LRP1B: variants seen among roughly 807,000 people sequenced by gnomAD.
LRP1B encodes LDL receptor related protein 1B.
A neutral mutation model predicts 556.6 loss-of-function variants in LRP1B; 217 were observed. The observed-to-expected ratio is 0.39, with a 90% CI of 0.35 to 0.44. The LOEUF is 0.44. Among genes scored for constraint, LRP1B ranks in the 20% least tolerant of loss-of-function variants. LRP1B has a pLI of 1.00. For synonymous variants in LRP1B, 2,047 were observed against 1,865.8 expected (o/e 1.10, Z -2.50); for missense variants, 5,053 against 5,620.8 (o/e 0.90, Z 3.23).
intron 3 of LRP1B, among the ~76,000 whole-genome samples, chr2:141,470,203 A>G (rs1484808275): frequency 6.6e-6 from 1 of 152,168 alleles, no homozygotes; most frequent in African/African-American, 2.4e-5. Context: ...TGAAAGTTGA[A>G]ATTTCTAAAG....
chr2:140,399,700 A>G (rs1214068541), intron 66 of LRP1B, among the ~76,000 whole-genome samples: 1 of 152,224 alleles, frequency 6.6e-6, no homozygotes, highest in East Asian at 1.9e-4. Context: ...AACAGAGCAG[A>G]TTACATAAGG....
intron 3 of LRP1B, among the ~76,000 whole-genome samples, chr2:141,395,524 T>C (rs755891293): frequency 2.6e-5 from 4 of 152,090 alleles, no homozygotes; most frequent in African/African-American, 7.2e-5. Context: ...AATGATGAAA[T>C]TGATTAACAA....
intron 37 of LRP1B, among the ~76,000 whole-genome samples, chr2:140,715,140 T>C (rs1298924321): frequency 6.6e-6 from 1 of 152,026 alleles, no homozygotes; most frequent in Non-Finnish European, 1.5e-5. Flanking sequence ...TAACAGGAGT[T>C]TCAGACTGAA....
At chr2:141,751,645 G>A (rs769201439) in intron 2 of LRP1B, among the ~76,000 whole-genome samples, 2 of 151,804 alleles carry the variant, frequency 1.3e-5, no homozygotes, top group Non-Finnish European at 2.9e-5. Context: ...TCACTCCAAA[G>A]CATTTTCATG....
intron 2 of LRP1B, among the ~76,000 whole-genome samples, chr2:141,644,785 A>C (rs868653408): frequency 2.0e-5 from 3 of 147,830 alleles, no homozygotes; most frequent in African/African-American, 7.5e-5. Flanking sequence ...ACACACACAC[A>C]ACACACACAC....
At chr2:142,100,631 T>C (rs1346723391) in intron 1 of LRP1B, among the ~76,000 whole-genome samples, 1 of 151,998 alleles carries the variant, frequency 6.6e-6, no homozygotes, top group Admixed American at 6.6e-5. Context: ...GGAGGCCAGA[T>C]TGCATTTTAA....
At chr2:140,888,078 T>A (rs1693693257) in intron 23 of LRP1B, among the ~76,000 whole-genome samples, 1 of 152,142 alleles carries the variant, frequency 6.6e-6, no homozygotes. Context: ...TGTAAGAACT[T>A]GTAAAGGGCA....
intron 32 of LRP1B, among the ~76,000 whole-genome samples, chr2:140,802,272 G>T (rs1462633750): frequency 6.6e-6 from 1 of 152,216 alleles, no homozygotes; most frequent in East Asian, 1.9e-4. Context: ...TGGAGAAGGA[G>T]TCAAGGATGA....
At chr2:142,102,146 C>T (rs571441091) in intron 1 of LRP1B, among the ~76,000 whole-genome samples, 21 of 152,064 alleles carry the variant, frequency 1.4e-4, no homozygotes, top group African/African-American at 4.8e-4. Flanking sequence ...AGTGCTTTAA[C>T]ACTTACTGGC....
intron 35 of LRP1B, among the ~76,000 whole-genome samples, chr2:140,743,786 T>C (rs1013893046): frequency 1.1e-4 from 16 of 151,482 alleles, no homozygotes; most frequent in African/African-American, 3.6e-4. Context: ...GGTGAAACCC[T>C]GTCTCTACTA....
Position 141,646,995 on chromosome 2 carries a change from T to G in LRP1B, c.205+163284A>C, listed in dbSNP as rs138834434. Among the ~76,000 whole-genome samples the G allele has an allele frequency of 2.7e-3, 412 of 152,250 alleles. 2 individuals carry two copies. The highest frequency in any genetic ancestry group is 9.2e-3 in the African/African-American group (383 of 41,562). ...ATATAGCTGTTTCTTCTTCCTCTTCTTCCTCCTTGATTCCTCCCCTTGCTA... is the reference window on the plus strand; with the variant it reads ...ATATAGCTGTTTCTTCTTCCTCTTCGTCCTCCTTGATTCCTCCCCTTGCTA... On this transcript the variant is annotated intron_variant, in intron 2 of 90. Coordinates refer to ENST00000389484, the MANE Select transcript of LRP1B (RefSeq NM_018557.3).
chr2:141,039,368 T>C (rs1303801982), intron 11 of LRP1B, among the ~76,000 whole-genome samples: 1 of 152,058 alleles, frequency 6.6e-6, no homozygotes, highest in African/African-American at 2.4e-5. Flanking sequence ...TGCCCATTTA[T>C]AAATTAAATT....
intron 3 of LRP1B, among the ~76,000 whole-genome samples, chr2:141,461,548 C>A (rs115023529): frequency 2.0e-5 from 3 of 151,878 alleles, no homozygotes; most frequent in Non-Finnish European, 2.9e-5. Context: ...TAATGAGAAC[C>A]CCTATTGGTA....
chr2:141,822,128 C>G (rs199547042), intron 1 of LRP1B, among the ~76,000 whole-genome samples: 33,117 of 112,802 alleles, frequency 0.29, 5,026 homozygotes, highest in African/African-American at 0.4. Flanking sequence ...CACACACACA[C>G]ACAGAGAGAG....
intron 43 of LRP1B, among the ~76,000 whole-genome samples, chr2:140,550,220 C>A (rs192010374): frequency 3.7e-4 from 57 of 152,146 alleles, no homozygotes; most frequent in African/African-American, 1.3e-3. Flanking sequence ...TGGCATTGAA[C>A]TGGGGGGTTT....
intron 2 of LRP1B, among the ~76,000 whole-genome samples, chr2:141,787,749 T>TA (rs888615576): frequency 3.8e-4 from 56 of 148,422 alleles, no homozygotes; most frequent in Admixed American, 5.4e-4. Flanking sequence ...ATTAACTTCT[T>TA]AAAAAAAAAA....
intron 20 of LRP1B, among the ~76,000 whole-genome samples, chr2:140,939,976 C>T (rs1695348963): frequency 6.6e-6 from 1 of 150,558 alleles, no homozygotes; most frequent in African/African-American, 2.4e-5. Flanking sequence ...ACCTCCACCT[C>T]CCAGGTTCAA....
intron 2 of LRP1B, among the ~76,000 whole-genome samples, chr2:141,767,302 A>G (rs538540265): frequency 1.8e-4 from 28 of 152,142 alleles, no homozygotes; most frequent in African/African-American, 6.3e-4. Context: ...ATGAGTCACC[A>G]TTTTTATTTT....
At chr2:140,939,887 T>TTC (rs1171133055) in intron 20 of LRP1B, among the ~76,000 whole-genome samples, 1 of 147,174 alleles carries the variant, frequency 6.8e-6, no homozygotes, top group Non-Finnish European at 1.5e-5. Context: ...TTGGTGTAAT[T>TTC]TTTTTTTTTT....
Sources: gnomAD v4.1 joint callset for allele counts (sites outside exome capture counted in the v4.1 genomes callset) on GRCh38, gnomAD v4.1.1 for gene constraint, MANE v1.5 for transcripts, NCBI Gene and HGNC (gene_info 2026-07-23, HGNC 2026-07-21) for gene names.